Variants in UGT1A9 observed in about 807,000 individuals in gnomAD.
The protein encoded by UGT1A9 is UDP-glucuronosyltransferase 1A9.
A neutral mutation model predicts 45.0 loss-of-function variants in UGT1A9; 35 were observed. The ratio of observed to expected loss-of-function variants is 0.78; its 90% CI spans 0.59 to 1.03. The LOEUF is 1.03. Ranked by LOEUF, UGT1A9 falls within the 50% of genes least tolerant of loss-of-function variation. The pLI is 0.00. For synonymous variants in UGT1A9, 278 were observed against 250.6 expected (o/e 1.11, Z -1.03); for missense variants, 687 against 666.6 (o/e 1.03, Z -0.34).
rs45449797 is a variant in UGT1A9 at position 233,730,263 on chromosome 2, G to T, written c.856-36771G>T. On this transcript the variant is annotated intron_variant, in intron 1 of 4. Coordinates refer to ENST00000354728, the MANE Select transcript of UGT1A9 (RefSeq NM_021027.3). ...ACTGGTGTGACTCATAGAGACTGTTGGTTTGTAAAGGCACCATCTTCATGG... is the reference window on the plus strand; with the variant it reads ...ACTGGTGTGACTCATAGAGACTGTTTGTTTGTAAAGGCACCATCTTCATGG... Among the ~76,000 whole-genome samples, 819 of 152,182 alleles carry T rather than the reference G, an allele frequency of 5.4e-3. 8 individuals carry two copies. The highest frequency in any genetic ancestry group is 0.019 in the African/African-American group (780 of 41,512).
intron 1 of UGT1A9, among the ~76,000 whole-genome samples, chr2:233,681,219 C>G (rs2074514463): frequency 1.3e-5 from 2 of 151,902 alleles, no homozygotes; most frequent in Admixed American, 6.6e-5. Context: ...TCTTTCTGGG[C>G]AGAGGACAAA....
intron 1 of UGT1A9, among the ~76,000 whole-genome samples, chr2:233,720,134 A>G (rs562111913): frequency 6.6e-6 from 1 of 152,212 alleles, no homozygotes; most frequent in South Asian, 2.1e-4. Flanking sequence ...ACCACAGGAG[A>G]CCTAGGCACT....
In UGT1A9 at chr2:233,693,578, A is replaced by G. The variant is rs754174364; in HGVS notation, c.855+20789A>G. On this transcript the variant is annotated intron_variant, in intron 1 of 4. Coordinates refer to ENST00000354728, the MANE Select transcript of UGT1A9 (RefSeq NM_021027.3). ...CAGAAGCCCAGACCCTGTGTCCTAC[A>G]TTCCCAGGTGCTACACAAAGTTTTC... 1.2e-5 allele frequency: 19 copies of G among 1,614,074 alleles called. 1 individual carries two copies. The highest frequency in any genetic ancestry group is 3.3e-4 in the Middle Eastern group (2 of 6,084).
At chr2:233,722,242 C>G (rs1184629735) in intron 1 of UGT1A9, among the ~76,000 whole-genome samples, 1 of 152,204 alleles carries the variant, frequency 6.6e-6, no homozygotes, top group Non-Finnish European at 1.5e-5. Context: ...CATGTATTAT[C>G]TGTGACAGAC....
intron 1 of UGT1A9, among the ~76,000 whole-genome samples, chr2:233,701,610 C>A (rs1237229756): frequency 2.0e-5 from 3 of 152,314 alleles, no homozygotes; most frequent in Admixed American, 6.5e-5. Context: ...CACTCCTCAG[C>A]AAACGTAAAA....
At chr2:233,747,177 T>A in intron 1 of UGT1A9, 1 of 1,600,690 alleles carries the variant, frequency 6.2e-7, no homozygotes, top group Non-Finnish European at 8.5e-7. Context: ...AGGCACAGCG[T>A]GGGGTGGACA....
At chr2:233,729,691 A>G (rs761191770) in intron 1 of UGT1A9, 3 of 1,613,862 alleles carry the variant, frequency 1.9e-6, no homozygotes, top group South Asian at 1.1e-5. Context: ...ACAGTGTCCA[A>G]ACCCTTCCTC....
At chr2:233,724,456 G>A (rs1266099425) in intron 1 of UGT1A9, among the ~76,000 whole-genome samples, 5 of 126,746 alleles carry the variant, frequency 3.9e-5, no homozygotes, top group Admixed American at 7.7e-5. Flanking sequence ...GGCAGCTGCC[G>A]GGCGGAGGGG....
intron 1 of UGT1A9, among the ~76,000 whole-genome samples, chr2:233,749,857 C>T (rs2125901015): frequency 6.6e-6 from 1 of 152,096 alleles, no homozygotes; most frequent in Middle Eastern, 3.4e-3. Flanking sequence ...CTCTCTCTCA[C>T]TTTCTGCCAG....
chr2:233,709,267 C>T (rs1411787626), intron 1 of UGT1A9, among the ~76,000 whole-genome samples: 6 of 152,090 alleles, frequency 3.9e-5, no homozygotes, highest in Admixed American at 2.6e-4. Context: ...AACTTGTCCA[C>T]GCTGTGAATT....
At position 233,772,732 on chromosome 2, in the gene UGT1A9, A is replaced by G. The variant is rs1259415832; in HGVS notation, c.*173A>G. On this transcript the variant is annotated 3_prime_UTR_variant, in exon 5 of 5. Transcript: ENST00000354728. ...CTTAAATAAAAATAATAGACTCGCT[A>G]GTCAGTAAAGATATTTGAATATGTA... 4.9e-6 allele frequency: 7 copies of G among 1,442,298 alleles called. No homozygotes were observed. Among genetic ancestry groups the G allele is most frequent in the Non-Finnish European group, 6.4e-6 (7 of 1,099,406 alleles). The allele number at this position is 1,442,298 out of a possible 1,614,324, so 89.3% of individuals were successfully genotyped here.
At chr2:233,757,306 A>T (rs894592007) in intron 1 of UGT1A9, among the ~76,000 whole-genome samples, 3 of 7,676 alleles carry the variant, frequency 3.9e-4, no homozygotes, top group African/African-American at 1.0e-3. Context: ...GTTGGGGGAC[A>T]GGGGGGCTGG....
chr2:233,729,088 C>A, intron 1 of UGT1A9: 8 of 1,612,432 alleles, frequency 5.0e-6, no homozygotes, highest in Non-Finnish European at 6.8e-6. Flanking sequence ...GCAGGCACAG[C>A]GTGGGGTGGA....
intron 1 of UGT1A9, chr2:233,719,612 C>T (rs147312289): frequency 3.1e-4 from 507 of 1,614,066 alleles, no homozygotes; most frequent in African/African-American, 5.3e-4. Flanking sequence ...TTGTGATGGA[C>T]TACCCCAGGC....
chr2:233,721,857 G>A (rs12475934), intron 1 of UGT1A9: 43,430 of 508,934 alleles, frequency 0.085, 2,681 homozygotes, highest in East Asian at 0.2. Context: ...CCCACTGCTC[G>A]GCCCTGGGCA....
chr2:233,692,962 G>A (rs1229864362), intron 1 of UGT1A9: 7 of 1,609,176 alleles, frequency 4.4e-6, no homozygotes, highest in Non-Finnish European at 5.1e-6. Flanking sequence ...GATTTGGAGA[G>A]TGAAAACTCT....
intron 1 of UGT1A9, among the ~76,000 whole-genome samples, chr2:233,749,397 T>C (rs756585861): frequency 1.2e-4 from 18 of 151,970 alleles, no homozygotes; most frequent in Admixed American, 2.0e-4. Context: ...TGTGAACATA[T>C]TCTCTAGTGT....
intron 1 of UGT1A9, chr2:233,718,709 A>G (rs1203435699): frequency 2.2e-5 from 36 of 1,605,634 alleles, no homozygotes; most frequent in Non-Finnish European, 2.1e-5. Context: ...TTGTCTTCCA[A>G]TTACATGCTG....
chr2:233,707,208 A>G (rs2075948847), intron 1 of UGT1A9, among the ~76,000 whole-genome samples: 1 of 151,654 alleles, frequency 6.6e-6, no homozygotes, highest in Non-Finnish European at 1.5e-5. Context: ...TTCCCTTTCC[A>G]TCTTTTCTCT....
Sources: allele counts gnomAD v4.1 joint callset (sites outside exome capture counted in the v4.1 genomes callset), GRCh38; gene constraint gnomAD v4.1.1; transcripts MANE v1.5; gene names NCBI Gene and HGNC (gene_info 2026-07-23, HGNC 2026-07-21).